GABBR2: variants seen among roughly 807,000 people sequenced by gnomAD.
The protein encoded by GABBR2 is gamma-aminobutyric acid type B receptor subunit 2.
GABBR2 carries 23 observed loss-of-function variants against 105.6 expected under a neutral mutation model. The ratio of observed to expected loss-of-function variants is 0.22; its 90% CI spans 0.16 to 0.31. The LOEUF is 0.31. Ranked by LOEUF, GABBR2 falls within the 10% of genes least tolerant of loss-of-function variation. The probability of loss-of-function intolerance (pLI) is 1.00; values close to 1 mark genes in which losing one functional copy is unlikely to be tolerated. For synonymous variants in GABBR2, 478 were observed against 499.7 expected, an observed-to-expected ratio of 0.96 and a Z score of 0.58; for missense variants, 734 against 1,245.5, an observed-to-expected ratio of 0.59 and a Z score of 6.18.
chr9:98,485,005 G>T (rs1032318732), intron 4 of GABBR2, among the ~76,000 whole-genome samples: 1 of 152,186 alleles, frequency 6.6e-6, no homozygotes, highest in Admixed American at 6.5e-5. Flanking sequence ...GGGGTAGGGA[G>T]GGGCAGCCAT....
At chr9:98,695,930 G>A (rs1228398117) in intron 1 of GABBR2, among the ~76,000 whole-genome samples, 1 of 152,194 alleles carries the variant, frequency 6.6e-6, no homozygotes, top group African/African-American at 2.4e-5. Context: ...CCTTCACTCA[G>A]TCTCCAAATA....
chr9:98,517,915 G>A (rs1262123784), intron 3 of GABBR2, among the ~76,000 whole-genome samples: 1 of 42,658 alleles, frequency 2.3e-5, no homozygotes, highest in Admixed American at 3.4e-4. Flanking sequence ...ACCAGTGAGA[G>A]CCTAGCAGGA....
At chr9:98,682,510 G>A (rs1392394689) in intron 1 of GABBR2, among the ~76,000 whole-genome samples, 2 of 151,210 alleles carry the variant, frequency 1.3e-5, no homozygotes, top group Non-Finnish European at 2.9e-5. Flanking sequence ...CAAGTAGCTG[G>A]GACTACAGGC....
intron 3 of GABBR2, among the ~76,000 whole-genome samples, chr9:98,506,796 C>G (rs1827521458): frequency 6.6e-6 from 1 of 152,170 alleles, no homozygotes; most frequent in Admixed American, 6.5e-5. Flanking sequence ...CTCCTACCTG[C>G]TGGGAGTCCA....
At chr9:98,453,861 T>C in intron 7 of GABBR2, 120 bp downstream of exon 7, 1 of 757,370 alleles carries the variant, frequency 1.3e-6, no homozygotes, top group East Asian at 2.5e-5. Flanking sequence ...GGCCTGCAAT[T>C]AGTTATTTCA....
chr9:98,638,073 G>A (rs996349647), intron 1 of GABBR2, among the ~76,000 whole-genome samples: 5 of 152,204 alleles, frequency 3.3e-5, no homozygotes, highest in Non-Finnish European at 5.9e-5. Flanking sequence ...CAGAGTGGTA[G>A]AGCCTGGATT....
At chr9:98,549,723 A>C (rs777514734) in intron 2 of GABBR2, among the ~76,000 whole-genome samples, 42 of 152,348 alleles carry the variant, frequency 2.8e-4, no homozygotes, top group Non-Finnish European at 5.3e-4. Context: ...CTGGATCACC[A>C]GCATTCTCTT....
chr9:98,497,878 G>A (rs1160124977), intron 3 of GABBR2, among the ~76,000 whole-genome samples: 1 of 152,124 alleles, frequency 6.6e-6, no homozygotes, highest in South Asian at 2.1e-4. Flanking sequence ...TTCCACTTCT[G>A]GGCACGTACC....
chr9:98,527,317 G>A (rs898651592), intron 3 of GABBR2, among the ~76,000 whole-genome samples: 8 of 151,932 alleles, frequency 5.3e-5, no homozygotes, highest in African/African-American at 1.9e-4. Flanking sequence ...TTAGAACTCA[G>A]ACGGTCATTC....
chr9:98,441,127 G>A (rs1826024126), intron 7 of GABBR2, among the ~76,000 whole-genome samples: 1 of 152,144 alleles, frequency 6.6e-6, no homozygotes, highest in Non-Finnish European at 1.5e-5. Context: ...GTTTCTGTAT[G>A]TAAAAGCAAC....
chr9:98,414,623 T>C (rs1832654444), intron 7 of GABBR2, among the ~76,000 whole-genome samples: 2 of 152,226 alleles, frequency 1.3e-5, no homozygotes, highest in Admixed American at 1.3e-4. Flanking sequence ...GATATTCCAA[T>C]TGTGCCAGTC....
intron 1 of GABBR2, among the ~76,000 whole-genome samples, chr9:98,682,098 G>A (rs1429444924): frequency 2.6e-5 from 4 of 151,802 alleles, no homozygotes; most frequent in African/African-American, 4.8e-5. Context: ...ATGGTGGCCC[G>A]CACCTGTAGT....
At chr9:98,496,325 A>C in intron 4 of GABBR2, 88 bp downstream of exon 4, 2 of 852,926 alleles carry the variant, frequency 2.3e-6, no homozygotes, top group Non-Finnish European at 4.0e-6. Context: ...ACCCAGACCA[A>C]ACTTGAGGCT....
chr9:98,589,951 A>G (rs903631694), intron 1 of GABBR2, among the ~76,000 whole-genome samples: 2 of 151,424 alleles, frequency 1.3e-5, no homozygotes, highest in African/African-American at 4.9e-5. Flanking sequence ...CTGGACTTGA[A>G]CTCCCAGTAT....
At chr9:98,492,234 T>A (rs1257677607) in intron 4 of GABBR2, among the ~76,000 whole-genome samples, 1 of 151,540 alleles carries the variant, frequency 6.6e-6, no homozygotes, top group Non-Finnish European at 1.5e-5. Flanking sequence ...TCATATAGTC[T>A]GTACATTTCC....
At chr9:98,539,736 T>A (rs984021548) in intron 3 of GABBR2, among the ~76,000 whole-genome samples, 2 of 151,692 alleles carry the variant, frequency 1.3e-5, no homozygotes, top group Non-Finnish European at 2.9e-5. Context: ...GCCAATATGG[T>A]GAAACCCCGT....
At chr9:98,648,550 C>T (rs527912179) in intron 1 of GABBR2, among the ~76,000 whole-genome samples, 1 of 152,206 alleles carries the variant, frequency 6.6e-6, no homozygotes. Flanking sequence ...CTTGACAGCG[C>T]CTCTCCAGGC....
intron 1 of GABBR2, among the ~76,000 whole-genome samples, chr9:98,601,552 C>T (rs1201159139): frequency 6.6e-6 from 1 of 152,128 alleles, no homozygotes; most frequent in Non-Finnish European, 1.5e-5. Flanking sequence ...ATAAATAAAT[C>T]AATAAACAAA....
intron 12 of GABBR2, among the ~76,000 whole-genome samples, chr9:98,364,789 C>T (rs938669766): frequency 2.9e-4 from 44 of 151,968 alleles, no homozygotes; most frequent in African/African-American, 1.0e-3. Context: ...TTAGGAGAGA[C>T]GGGGTTTCAC....
Sources: gnomAD v4.1 joint callset for allele counts (sites outside exome capture counted in the v4.1 genomes callset) on GRCh38, gnomAD v4.1.1 for gene constraint, MANE v1.5 for transcripts, NCBI Gene and HGNC (gene_info 2026-07-23, HGNC 2026-07-21) for gene names.